Variants in ZNF320 observed in about 807,000 individuals in gnomAD.
ZNF320 encodes zinc finger protein 320.
Under a neutral mutation model 6.8 loss-of-function variants are expected in ZNF320, and 2 were observed. The ratio of observed to expected loss-of-function variants is 0.29; its 90% CI spans 0.12 to 0.93. ZNF320 has a LOEUF of 0.93. ZNF320 is among the 40% of genes least tolerant of loss of function. The pLI, the probability that ZNF320 is intolerant of heterozygous loss-of-function variation, is 0.55. For synonymous variants in ZNF320, 208 were observed against 203.2 expected (o/e 1.02, Z -0.20); for missense variants, 472 against 611.0 (o/e 0.77, Z 2.40).
At chr19:52,859,543 GA>G (rs1382775383), downstream of ZNF320, among the ~76,000 whole-genome samples, 10 of 152,282 alleles carry the variant, frequency 6.6e-5, no homozygotes, top group Middle Eastern at 3.4e-3. Flanking sequence ...TAGCCATCTG[GA>G]AACATCAACT....
chr19:52,888,716 A>G (rs991197400), intron 4 of ZNF320, among the ~76,000 whole-genome samples: 1 of 152,192 alleles, frequency 6.6e-6, no homozygotes, highest in Non-Finnish European at 1.5e-5. Flanking sequence ...AAACCTACAC[A>G]GACTGAAAAA....
At position 52,879,462 on chromosome 19, in the gene ZNF320, A is replaced by C. The variant is rs187038232; in HGVS notation, c.*1134T>G. 1.1e-4 allele frequency: 18 copies of C among 165,100 alleles called. No homozygotes were observed. The highest frequency in any genetic ancestry group is 2.7e-3 in the Middle Eastern group (1 of 368). The allele number at this position is 165,100 out of a possible 1,614,324, so 10.2% of individuals were successfully genotyped here. ...AGAAGGAAATTTACCTCAACAATAC[A>C]AAGACCATCCATGAAATGACCACAG... is the stretch of plus-strand genomic sequence containing the variant. On this transcript the variant is annotated 3_prime_UTR_variant, in exon 6 of 6. Transcript: ENST00000682928.
In ZNF320 at chr19:52,896,943, G is replaced by A. The variant is rs543314682; in HGVS notation, c.-270+577C>T. ...CCAAGCACCGGCCACACCTTCATCT[G>A]CATAGGGCACCCATCTGCTCCGGCC... On this transcript the variant is annotated intron_variant, in intron 1 of 5. Transcript: ENST00000682928. Among the ~76,000 whole-genome samples, 4 of 152,332 alleles carry A rather than the reference G, an allele frequency of 2.6e-5. No homozygotes were observed. In the East Asian group the frequency reaches 7.7e-4, roughly 29 times the overall value.
At chr19:52,902,238 C>T (rs577219621), upstream of ZNF320, among the ~76,000 whole-genome samples, 4 of 152,216 alleles carry the variant, frequency 2.6e-5, no homozygotes, top group Non-Finnish European at 5.9e-5. Context: ...AAGAAGTGAA[C>T]TTAGTATTGG....
At chr19:52,902,037 A>G (rs1303684786), upstream of ZNF320, among the ~76,000 whole-genome samples, 1 of 151,952 alleles carries the variant, frequency 6.6e-6, no homozygotes, top group East Asian at 1.9e-4. Context: ...CCAGGGTGAA[A>G]TGGACTAAAC....
At chr19:52,901,384 C>T (rs917851783), upstream of ZNF320, among the ~76,000 whole-genome samples, 3 of 152,180 alleles carry the variant, frequency 2.0e-5, no homozygotes, top group African/African-American at 7.2e-5. Flanking sequence ...GAGTTTCTTC[C>T]TGCTTCAGTC....
chr19:52,890,632 G>A (rs1325077748), intron 3 of ZNF320, among the ~76,000 whole-genome samples: 5 of 152,138 alleles, frequency 3.3e-5, no homozygotes, highest in African/African-American at 1.2e-4. Context: ...AGCACTCTAG[G>A]AGGCCGAGGT....
downstream of ZNF320, among the ~76,000 whole-genome samples, chr19:52,860,015 C>G (rs544240800): frequency 5.9e-5 from 9 of 151,968 alleles, no homozygotes; most frequent in South Asian, 1.7e-3. Context: ...CGGGTTCACG[C>G]CATTCTCCTG....
chr19:52,881,636 C>T lies in ZNF320; in HGVS notation c.490G>A (p.Glu164Lys). Reference sequence around the variant, plus strand: ...CAACTGAAAACTTTCTCACATTCTTCACATTTGTAAGGTTTCTCTCCAGTA... The same window carrying T: ...CAACTGAAAACTTTCTCACATTCTTTACATTTGTAAGGTTTCTCTCCAGTA... ...IHTGEKPYKC[E>K]ECEKVFSCKS... Residue 164 changes from glutamate (E) to lysine (K), a missense_variant, in exon 6 of 6, where the codon GAA becomes AAA. This residue lies in a region of ZNF320 where 462 missense variants were observed against 559.7 expected (regional missense o/e 0.83). Coordinates refer to ENST00000682928, the MANE Select transcript of ZNF320 (RefSeq NM_001351774.2). The T allele has an allele frequency of 6.2e-7, 1 of 1,613,690 alleles. No homozygotes were observed. The highest frequency in any genetic ancestry group is 1.1e-5 in the South Asian group (1 of 91,058).
Position 52,865,580 on chromosome 19 carries a change from TATG to T in ZNF320, c.224-1424_224-1422del, listed in dbSNP as rs957359987. Reference sequence around the variant, plus strand: ...TTATATGATCATACATATATATTTATATGATTATACATATATTTATATATGAGA... The same window carrying T: ...TTATATGATCATACATATATATTTATATTATACATATATTTATATATGAGA... On this transcript the variant is annotated intron_variant, in intron 5 of 5. Coordinates refer to the ZNF320 transcript ENST00000673631. Among the ~76,000 whole-genome samples the T allele has an allele frequency of 3.2e-4, 43 of 132,550 alleles. 2 individuals are homozygous for T. Among genetic ancestry groups the T allele is most frequent in the East Asian group, 2.1e-3 (10 of 4,746 alleles). The allele number at this position is 132,550 out of a possible 152,430, so 87.0% of individuals were successfully genotyped here. A position where few individuals can be genotyped will look rare whatever the true frequency, so the allele number is the denominator to read the frequency against.
downstream of ZNF320, among the ~76,000 whole-genome samples, chr19:52,874,452 C>T (rs1057425560): frequency 2.6e-5 from 4 of 152,152 alleles, no homozygotes; most frequent in Non-Finnish European, 4.4e-5. Flanking sequence ...AGATAAGGAT[C>T]ACCAGTGCCA....
At position 52,865,475 on chromosome 19, in the gene ZNF320, T is replaced by TATATATGTAATAC. The variant is rs1568692747; in HGVS notation, c.224-1317_224-1316insGTATTACATATAT. ...ATGTAATACATATATATATATTACA[T>TATATATGTAATAC]ATATATATAATACATATATATTATA... On this transcript the variant is annotated intron_variant, in intron 5 of 5. Transcript: ENST00000673631. 28 of 40,322 alleles carry TATATATGTAATAC rather than the reference T, an allele frequency of 6.9e-4. 1 individual carries two copies. Among genetic ancestry groups the TATATATGTAATAC allele is most frequent in the African/African-American group, 3.0e-3 (28 of 9,190 alleles). The allele number at this position is 40,322 out of a possible 1,614,324, so 2.5% of individuals were successfully genotyped here. A position where few individuals can be genotyped will look rare whatever the true frequency, so the allele number is the denominator to read the frequency against.
intron 5 of ZNF320, among the ~76,000 whole-genome samples, chr19:52,887,721 G>A (rs577526396): frequency 8.5e-5 from 13 of 152,182 alleles, no homozygotes; most frequent in Admixed American, 3.3e-4. Context: ...CTAGGAGCTG[G>A]GATTGCAGGT....
intron 5 of ZNF320, chr19:52,865,484 AATAC>A (rs1163841615): frequency 7.8e-6 from 1 of 128,630 alleles, no homozygotes; most frequent in Non-Finnish European, 1.6e-5. Context: ...ATATATATAT[AATAC>A]ATATATATTA....
intron 1 of ZNF320, among the ~76,000 whole-genome samples, chr19:52,896,378 AT>A (rs1345060870): frequency 6.6e-6 from 1 of 152,202 alleles, no homozygotes; most frequent in East Asian, 1.9e-4. Context: ...GGCATGAGCC[AT>A]TGCACACGGC....
At chr19:52,890,364 T>G (rs1386121249) in intron 3 of ZNF320, 36 bp from the exon 4 acceptor site, 1 of 1,426,236 alleles carries the variant, frequency 7.0e-7, no homozygotes, top group Admixed American at 1.9e-5. Flanking sequence ...TCACTGAGAA[T>G]CAACACACCC....
chr19:52,882,781 A>C (rs1600621912), intron 5 of ZNF320, among the ~76,000 whole-genome samples: 1 of 152,240 alleles, frequency 6.6e-6, no homozygotes, highest in East Asian at 2.0e-4. Context: ...TCTCTGCTAA[A>C]AATAGAAAAT....
intron 5 of ZNF320, chr19:52,865,324 A>T: frequency 3.1e-5 from 9 of 289,760 alleles, no homozygotes; most frequent in South Asian, 1.1e-4. Context: ...CCCCATTTCA[A>T]ATATATATAT....
rs1006536354 is a variant in ZNF320 at position 52,891,223 on chromosome 19, A to G, written c.-74+6T>C. The G allele has an allele frequency of 2.6e-5, 4 of 152,004 alleles. No individual in the cohort carries two copies. The highest frequency in any genetic ancestry group is 6.6e-5 in the Admixed American group (1 of 15,248). The allele number at this position is 152,004 out of a possible 1,614,324, so 9.4% of individuals were successfully genotyped here. ...TTAGCCAGGTATGGTGGCGGGTGGC[A>G]CGCACCTGTATCTCAGCTACTTGGT... On this transcript the variant is annotated splice_donor_region_variant and intron_variant, in intron 3 of 5. Coordinates refer to ENST00000682928, the MANE Select transcript of ZNF320 (RefSeq NM_001351774.2).
Sources: gnomAD v4.1 joint callset for allele counts (sites outside exome capture counted in the v4.1 genomes callset) on GRCh38, gnomAD v4.1.1 for gene constraint, gnomAD v4.1.1 regional missense constraint, MANE v1.5 for transcripts, NCBI Gene and HGNC (gene_info 2026-07-23, HGNC 2026-07-21) for gene names.